GALNTL6: variants seen among roughly 807,000 people sequenced by gnomAD.
GALNTL6 encodes the protein polypeptide N-acetylgalactosaminyltransferase like 6.
GALNTL6 carries 46 observed loss-of-function variants against 73.7 expected under a neutral mutation model. The ratio of observed to expected loss-of-function variants is 0.62; its 90% confidence interval spans 0.49 to 0.80. The LOEUF is 0.80. Ranked by LOEUF, GALNTL6 falls within the 30% of genes least tolerant of loss-of-function variation. The pLI is 0.00. For missense variants in GALNTL6, 604 were observed against 755.0 expected, an observed-to-expected ratio of 0.80 and a Z score of 2.34; for synonymous variants, 259 against 263.7, an observed-to-expected ratio of 0.98 and a Z score of 0.17.
chr4:172,675,421 C>T (rs1161786087), intron 5 of GALNTL6, among the ~76,000 whole-genome samples: 2 of 152,188 alleles, frequency 1.3e-5, no homozygotes, highest in Non-Finnish European at 2.9e-5. Context: ...GGCAGCTCAC[C>T]ACAGTGGCAG....
intron 4 of GALNTL6, among the ~76,000 whole-genome samples, chr4:172,333,967 T>C (rs866521396): frequency 6.6e-6 from 1 of 152,232 alleles, no homozygotes; most frequent in Non-Finnish European, 1.5e-5. Context: ...TGTAAGTTCT[T>C]GTCAACTTTG....
At chr4:172,562,355 C>T (rs1736405389) in intron 5 of GALNTL6, among the ~76,000 whole-genome samples, 1 of 152,146 alleles carries the variant, frequency 6.6e-6, no homozygotes, top group Non-Finnish European at 1.5e-5. Context: ...TTGAAGCTTC[C>T]AAAATGAAGA....
intron 5 of GALNTL6, among the ~76,000 whole-genome samples, chr4:172,783,003 T>C (rs1337039341): frequency 6.6e-6 from 1 of 151,990 alleles, no homozygotes; most frequent in Non-Finnish European, 1.5e-5. Context: ...TACAAATTAG[T>C]GGTGATCAGC....
At chr4:172,455,050 C>T (rs1732341052) in intron 5 of GALNTL6, among the ~76,000 whole-genome samples, 1 of 152,154 alleles carries the variant, frequency 6.6e-6, no homozygotes, top group Admixed American at 6.5e-5. Context: ...GCAAGGGGTC[C>T]AGCCCATGGA....
intron 5 of GALNTL6, among the ~76,000 whole-genome samples, chr4:172,352,933 A>G (rs946683732): frequency 6.6e-6 from 1 of 152,074 alleles, no homozygotes; most frequent in Non-Finnish European, 1.5e-5. Context: ...CCCAATGCCA[A>G]CAACTTTCAA....
At chr4:173,039,546 C>A (rs1416761069) in intron 12 of GALNTL6, among the ~76,000 whole-genome samples, 4 of 151,990 alleles carry the variant, frequency 2.6e-5, no homozygotes, top group Non-Finnish European at 4.4e-5. Context: ...GTATGTGTTT[C>A]TTCCCAGATA....
intron 5 of GALNTL6, among the ~76,000 whole-genome samples, chr4:172,498,151 C>T (rs570371718): frequency 8.6e-5 from 13 of 152,000 alleles, no homozygotes; most frequent in East Asian, 3.9e-4. Flanking sequence ...CCACCACACC[C>T]GGCTAATTTT....
At chr4:171,847,728 C>T (rs894337565) in intron 2 of GALNTL6, among the ~76,000 whole-genome samples, 3 of 152,102 alleles carry the variant, frequency 2.0e-5, no homozygotes, top group African/African-American at 7.2e-5. Flanking sequence ...CTGCTCAACT[C>T]CTCATCCCTT....
intron 5 of GALNTL6, among the ~76,000 whole-genome samples, chr4:172,443,867 A>C (rs1731925816): frequency 6.6e-6 from 1 of 152,202 alleles, no homozygotes; most frequent in African/African-American, 2.4e-5. Flanking sequence ...GATGTTGGGA[A>C]ACTAGATAAG....
chr4:172,117,674 C>T (rs955525732), intron 2 of GALNTL6, among the ~76,000 whole-genome samples: 3 of 151,956 alleles, frequency 2.0e-5, no homozygotes, highest in Admixed American at 1.3e-4. Flanking sequence ...AACAGGAGGA[C>T]GTAAAAACAA....
chr4:172,370,989 A>T (rs1183937550), intron 5 of GALNTL6, among the ~76,000 whole-genome samples: 1 of 151,876 alleles, frequency 6.6e-6, no homozygotes, highest in Non-Finnish European at 1.5e-5. Context: ...TAAGTTTGGG[A>T]TTTTAATTTT....
intron 2 of GALNTL6, among the ~76,000 whole-genome samples, chr4:171,868,700 TA>T (rs928404732): frequency 2.0e-5 from 3 of 152,006 alleles, no homozygotes; most frequent in African/African-American, 7.2e-5. Flanking sequence ...CTTTTTTTTT[TA>T]GACGGAGTCC....
chr4:172,002,283 C>G (rs1740698323), intron 2 of GALNTL6, among the ~76,000 whole-genome samples: 1 of 152,096 alleles, frequency 6.6e-6, no homozygotes, highest in South Asian at 2.1e-4. Context: ...GTAATTAGAT[C>G]ACAAGGGTGG....
intron 5 of GALNTL6, among the ~76,000 whole-genome samples, chr4:172,471,600 A>G (rs1733054469): frequency 1.3e-5 from 2 of 152,204 alleles, no homozygotes; most frequent in Non-Finnish European, 1.5e-5. Context: ...ACAAATATGT[A>G]GTGATCTAGG....
At chr4:173,011,817 G>A (rs891212108) in intron 11 of GALNTL6, among the ~76,000 whole-genome samples, 3 of 152,222 alleles carry the variant, frequency 2.0e-5, no homozygotes, top group Admixed American at 6.5e-5. Flanking sequence ...AAATTTGAAA[G>A]TCCTTGCAAG....
At chr4:172,384,722 C>T (rs1026392650) in intron 5 of GALNTL6, among the ~76,000 whole-genome samples, 4 of 151,982 alleles carry the variant, frequency 2.6e-5, no homozygotes, top group African/African-American at 7.2e-5. Context: ...TTTATACTGG[C>T]GTTTACAGAC....
chr4:172,488,924 C>G (rs1331918748), intron 5 of GALNTL6, among the ~76,000 whole-genome samples: 1 of 152,152 alleles, frequency 6.6e-6, no homozygotes, highest in Admixed American at 6.5e-5. Context: ...AGGACATGAT[C>G]TAGCAACACT....
intron 12 of GALNTL6, among the ~76,000 whole-genome samples, chr4:173,035,565 C>T (rs973981560): frequency 6.6e-6 from 1 of 152,184 alleles, no homozygotes; most frequent in Non-Finnish European, 1.5e-5. Flanking sequence ...ATGCTCTCTC[C>T]TCATACACAC....
intron 5 of GALNTL6, among the ~76,000 whole-genome samples, chr4:172,682,344 T>C (rs900816158): frequency 1.7e-4 from 26 of 152,198 alleles, no homozygotes; most frequent in Non-Finnish European, 2.1e-4. Flanking sequence ...ATATTTTTAA[T>C]GTGGCAAATC....
Sources: allele counts gnomAD v4.1 joint callset (sites outside exome capture counted in the v4.1 genomes callset), GRCh38; gene constraint gnomAD v4.1.1; transcripts MANE v1.5; gene names NCBI Gene and HGNC (gene_info 2026-07-23, HGNC 2026-07-21).